Variants in TMCC1 observed in about 807,000 individuals in gnomAD.
TMCC1 encodes transmembrane and coiled-coil domains protein 1.
TMCC1 carries 15 observed loss-of-function variants against 52.4 expected under a neutral mutation model. That is an observed-to-expected ratio of 0.29 (90% CI 0.19 to 0.44). TMCC1 has a LOEUF of 0.44. TMCC1 is among the 20% of genes least tolerant of loss of function. The probability of loss-of-function intolerance (pLI) is 1.00; values close to 1 mark genes in which losing one functional copy is unlikely to be tolerated. For synonymous variants in TMCC1, 279 were observed against 301.9 expected, an observed-to-expected ratio of 0.92 and a Z score of 0.79; for missense variants, 503 against 806.0, an observed-to-expected ratio of 0.62 and a Z score of 4.55.
intron 4 of TMCC1, among the ~76,000 whole-genome samples, chr3:129,694,741 C>T (rs1049892016): frequency 3.3e-5 from 5 of 152,262 alleles, no homozygotes; most frequent in Middle Eastern, 3.4e-3. Flanking sequence ...GAATAATCTA[C>T]CCCTTGTTTA....
intron 2 of TMCC1, among the ~76,000 whole-genome samples, chr3:129,879,391 C>T (rs766605728): frequency 1.1e-4 from 16 of 152,152 alleles, no homozygotes; most frequent in Non-Finnish European, 1.6e-4. Context: ...CTGTGAGCTA[C>T]GACTGCACCC....
At chr3:129,740,794 C>T (rs1002032463) in intron 4 of TMCC1, among the ~76,000 whole-genome samples, 1 of 152,144 alleles carries the variant, frequency 6.6e-6, no homozygotes, top group Non-Finnish European at 1.5e-5. Flanking sequence ...GACTTCATTA[C>T]CTCACTGGTC....
chr3:129,731,906 T>C (rs922303480), intron 4 of TMCC1, among the ~76,000 whole-genome samples: 5 of 152,218 alleles, frequency 3.3e-5, no homozygotes, highest in Admixed American at 1.3e-4. Flanking sequence ...ATTACAGGTG[T>C]GAGCCACTGT....
chr3:129,688,037 C>T (rs2089533593), intron 4 of TMCC1: 1 of 567,130 alleles, frequency 1.8e-6, no homozygotes, highest in South Asian at 7.8e-5. Context: ...AGTTATGTTT[C>T]TCCTTCTGGT....
chr3:129,805,658 C>CT (rs2057420426), intron 4 of TMCC1, among the ~76,000 whole-genome samples: 1 of 152,110 alleles, frequency 6.6e-6, no homozygotes, highest in South Asian at 2.1e-4. Flanking sequence ...TCTGGCTGGA[C>CT]TGGGTGGCCC....
chr3:129,685,629 T>C (rs1454127942), intron 4 of TMCC1, among the ~76,000 whole-genome samples: 1 of 152,162 alleles, frequency 6.6e-6, no homozygotes, highest in African/African-American at 2.4e-5. Context: ...GAGAGGGCTG[T>C]AGTGAGAAAT....
rs115982383 is a variant in TMCC1 at position 129,739,053 on chromosome 3, G to A, written c.577-67789C>T. Among the ~76,000 whole-genome samples the A allele has an allele frequency of 1.2e-3, 183 of 152,282 alleles. 1 individual carries two copies. The highest frequency in any genetic ancestry group is 4.3e-3 in the African/African-American group (180 of 41,548). On this transcript the variant is annotated intron_variant, in intron 4 of 6. Transcript: ENST00000393238. ...GCTGGTCTCAAACTCCTGGGCTCAA[G>A]AGACACACCTACCTTGGTCTCCCAA...
intron 4 of TMCC1, among the ~76,000 whole-genome samples, chr3:129,700,546 G>A (rs1258620265): frequency 2.0e-5 from 3 of 151,694 alleles, no homozygotes; most frequent in Non-Finnish European, 4.4e-5. Context: ...GTGCAATCTC[G>A]GCTCACTGCA....
intron 4 of TMCC1, among the ~76,000 whole-genome samples, chr3:129,769,296 C>T (rs2054361444): frequency 6.6e-6 from 1 of 152,228 alleles, no homozygotes; most frequent in African/African-American, 2.4e-5. Context: ...GTGGTGCGAA[C>T]TCGGCTCACT....
intron 6 of TMCC1, among the ~76,000 whole-genome samples, chr3:129,654,234 A>G (rs1469362684): frequency 1.3e-5 from 2 of 152,212 alleles, no homozygotes; most frequent in Non-Finnish European, 2.9e-5. Flanking sequence ...ACTGACGCCA[A>G]CTATAGACAG....
intron 2 of TMCC1, among the ~76,000 whole-genome samples, chr3:129,876,673 G>A (rs566540326): frequency 7.8e-4 from 119 of 151,892 alleles, no homozygotes; most frequent in Non-Finnish European, 1.6e-3. Context: ...AACCCTGAAG[G>A]GCTGGGCGCG....
At chr3:129,866,279 A>AT (rs2060629720) in intron 2 of TMCC1, among the ~76,000 whole-genome samples, 1 of 146,024 alleles carries the variant, frequency 6.8e-6, no homozygotes, top group Admixed American at 7.0e-5. Flanking sequence ...TATAATATAT[A>AT]TACATATATA....
chr3:129,785,703 TTTA>T (rs2055967992), intron 4 of TMCC1, among the ~76,000 whole-genome samples: 1 of 152,052 alleles, frequency 6.6e-6, no homozygotes, highest in Non-Finnish European at 1.5e-5. Flanking sequence ...GTCAGACAAG[TTTA>T]TTAAGGCTTT....
intron 4 of TMCC1, among the ~76,000 whole-genome samples, chr3:129,692,505 C>A (rs1379935164): frequency 1.3e-5 from 2 of 152,232 alleles, no homozygotes; most frequent in Non-Finnish European, 2.9e-5. Flanking sequence ...GTGGTTATAT[C>A]TTTGAGTAAT....
intron 4 of TMCC1, among the ~76,000 whole-genome samples, chr3:129,773,236 T>A (rs994772454): frequency 1.3e-5 from 2 of 152,194 alleles, no homozygotes; most frequent in South Asian, 4.1e-4. Flanking sequence ...CTCCAGAATA[T>A]ATCAAGCTAA....
chr3:129,783,762 G>T (rs1038025098), intron 4 of TMCC1, among the ~76,000 whole-genome samples: 1 of 152,190 alleles, frequency 6.6e-6, no homozygotes, highest in African/African-American at 2.4e-5. Flanking sequence ...GAAGCACAGA[G>T]AAATTAAATG....
chr3:129,726,552 T>A (rs2050100955), intron 4 of TMCC1, among the ~76,000 whole-genome samples: 1 of 151,950 alleles, frequency 6.6e-6, no homozygotes, highest in African/African-American at 2.4e-5. Context: ...AAAGTATACC[T>A]CTCCATTAGA....
chr3:129,858,016 C>A (rs1031331770), intron 2 of TMCC1, among the ~76,000 whole-genome samples: 1 of 152,194 alleles, frequency 6.6e-6, no homozygotes, highest in Non-Finnish European at 1.5e-5. Context: ...CTGGAACTTA[C>A]ACTCTTGACT....
Position 129,811,875 on chromosome 3 carries a change from C to T in TMCC1, c.576+15928G>A, listed in dbSNP as rs962146100. The stretch of plus-strand genomic sequence containing the variant: ...AGGAGAATCACTTGAACCCAGTAGG[C>T]GGAGGTTGCAGTGAGCCCAGGTTGT... On this transcript the variant is annotated intron_variant, in intron 4 of 6. Coordinates refer to ENST00000393238, the MANE Select transcript of TMCC1 (RefSeq NM_001017395.5). Among the ~76,000 whole-genome samples, 6 of 150,770 alleles carry T rather than the reference C, an allele frequency of 4.0e-5. 1 individual carries two copies. Among genetic ancestry groups the T allele is most frequent in the South Asian group, 4.2e-4 (2 of 4,764 alleles).
Sources: allele counts gnomAD v4.1 joint callset (sites outside exome capture counted in the v4.1 genomes callset), GRCh38; gene constraint gnomAD v4.1.1; transcripts MANE v1.5; gene names NCBI Gene and HGNC (gene_info 2026-07-23, HGNC 2026-07-21).